EPHA3: variants seen among roughly 807,000 people sequenced by gnomAD.
EPHA3 encodes EPH receptor A3.
EPHA3 carries 42 observed loss-of-function variants against 107.1 expected under a neutral mutation model. The ratio of observed to expected loss-of-function variants is 0.39; its 90% CI spans 0.31 to 0.51. The LOEUF (loss-of-function observed/expected upper bound fraction) is 0.51, where lower values mean the gene tolerates loss of function less well. Among genes scored for constraint, EPHA3 ranks in the 20% least tolerant of loss-of-function variants. The pLI, the probability that EPHA3 is intolerant of heterozygous loss-of-function variation, is 0.78. For missense variants in EPHA3, 1,183 were observed against 1,211.2 expected (o/e 0.98, Z 0.35); for synonymous variants, 461 against 424.8 (o/e 1.09, Z -1.05).
intron 2 of EPHA3, among the ~76,000 whole-genome samples, chr3:89,162,570 T>A (rs1704975676): frequency 6.6e-6 from 1 of 152,154 alleles, no homozygotes. Flanking sequence ...TCCCCTGAAA[T>A]CAGACTGTAG....
intron 3 of EPHA3, among the ~76,000 whole-genome samples, chr3:89,218,906 G>A (rs1704283139): frequency 6.6e-6 from 1 of 152,180 alleles, no homozygotes; most frequent in Non-Finnish European, 1.5e-5. Flanking sequence ...TTCAACCATT[G>A]TGGAAGTCGG....
At position 89,175,778 on chromosome 3, in the gene EPHA3, G is replaced by A. The variant is rs539678703; in HGVS notation, c.154-34082G>A. ...CTTTTGGTTTCTGAACCATGCCTGC[G>A]ATTCTATTCTGGTTCTCTTATATTC... On this transcript the variant is annotated intron_variant, in intron 2 of 16. Transcript: ENST00000336596. Among the ~76,000 whole-genome samples, 12 of 152,010 alleles carry A rather than the reference G, an allele frequency of 7.9e-5. No individual in the cohort carries two copies. In the East Asian group the frequency reaches 1.5e-3, roughly 20 times the overall value.
chr3:89,286,158 GTGTT>G (rs948845007), intron 3 of EPHA3, among the ~76,000 whole-genome samples: 2 of 149,410 alleles, frequency 1.3e-5, no homozygotes, highest in African/African-American at 5.0e-5. Context: ...GTGTGTGTGT[GTGTT>G]TCCATAAACA....
chr3:89,437,821 A>G (rs981952082), intron 13 of EPHA3, among the ~76,000 whole-genome samples: 2 of 152,084 alleles, frequency 1.3e-5, no homozygotes, highest in African/African-American at 4.8e-5. Flanking sequence ...AATTCTTCCT[A>G]TGTCCTTAAG....
At position 89,341,821 on chromosome 3, in the gene EPHA3, G is replaced by A. The variant is rs749859409; in HGVS notation, c.1037G>A (p.Ser346Asn). 1 of 1,613,960 alleles carries A rather than the reference G, an allele frequency of 6.2e-7. No homozygotes were observed. Among genetic ancestry groups the A allele is most frequent in the Non-Finnish European group, 8.5e-7 (1 of 1,180,020 alleles). ...GAGACCTCAGTTATCCTGGACTGGA[G>A]TTGGCCCCTGGACACAGGAGGCCGG... Reference protein sequence around the residue: ...INETSVILDWSWPLDTGGRKD... With the variant: ...INETSVILDWNWPLDTGGRKD... The change falls in exon 5 of 17, where the codon AGT (serine) becomes AAT (asparagine). Residue 346 changes from serine to asparagine, a missense_variant. Coordinates refer to ENST00000336596, the MANE Select transcript of EPHA3 (RefSeq NM_005233.6).
chr3:89,146,703 A>C (rs1034428875), intron 2 of EPHA3, among the ~76,000 whole-genome samples: 1 of 151,898 alleles, frequency 6.6e-6, no homozygotes, highest in African/African-American at 2.4e-5. Flanking sequence ...TGTTTTAGTC[A>C]TGAAGTCTTT....
At chr3:89,256,168 T>C (rs1354056295) in intron 3 of EPHA3, among the ~76,000 whole-genome samples, 4 of 151,724 alleles carry the variant, frequency 2.6e-5, no homozygotes, top group African/African-American at 9.7e-5. Flanking sequence ...GGAGAATCAC[T>C]TGAACCCAGG....
chr3:89,207,132 T>G (rs1218376803), intron 2 of EPHA3, among the ~76,000 whole-genome samples: 1 of 152,210 alleles, frequency 6.6e-6, no homozygotes, highest in Non-Finnish European at 1.5e-5. Context: ...GTTCACAAAT[T>G]GTTTTTTATA....
intron 2 of EPHA3, among the ~76,000 whole-genome samples, chr3:89,148,571 G>A (rs1452885360): frequency 6.6e-6 from 1 of 151,876 alleles, no homozygotes; most frequent in African/African-American, 2.4e-5. Context: ...CTTAAAGATT[G>A]AAAAGTTATC....
chr3:89,126,691 A>C (rs765734884), intron 1 of EPHA3, among the ~76,000 whole-genome samples: 9 of 151,824 alleles, frequency 5.9e-5, no homozygotes, highest in Non-Finnish European at 1.2e-4. Context: ...TAATGAATAC[A>C]TTTTTAAAAA....
intron 13 of EPHA3, 90 bp downstream of exon 13, chr3:89,431,449 C>A (rs898208420): frequency 1.9e-6 from 2 of 1,078,816 alleles, no homozygotes; most frequent in South Asian, 1.6e-5. Flanking sequence ...TGACCCAAAA[C>A]GTGTTGTCAA....
intron 3 of EPHA3, among the ~76,000 whole-genome samples, chr3:89,329,392 T>C (rs1238098184): frequency 6.6e-6 from 1 of 152,164 alleles, no homozygotes; most frequent in African/African-American, 2.4e-5. Flanking sequence ...GAGATTCTTC[T>C]ATTGTTCTTC....
intron 2 of EPHA3, among the ~76,000 whole-genome samples, chr3:89,162,672 G>T (rs1371301478): frequency 6.6e-6 from 1 of 152,188 alleles, no homozygotes; most frequent in Admixed American, 6.5e-5. Context: ...ATGGACAGAA[G>T]GTGAAGTGAA....
intron 2 of EPHA3, among the ~76,000 whole-genome samples, chr3:89,207,782 C>T (rs539585980): frequency 1.3e-5 from 2 of 151,792 alleles, no homozygotes; most frequent in East Asian, 1.9e-4. Flanking sequence ...CTAAGAAAAA[C>T]GTTTTGTTGT....
At chr3:89,265,531 G>A (rs1238744637) in intron 3 of EPHA3, among the ~76,000 whole-genome samples, 1 of 152,104 alleles carries the variant, frequency 6.6e-6, no homozygotes, top group African/African-American at 2.4e-5. Flanking sequence ...TGCAAAATGT[G>A]ATATGGCTTT....
intron 15 of EPHA3, among the ~76,000 whole-genome samples, chr3:89,456,584 C>A (rs73139296): frequency 6.6e-6 from 1 of 151,930 alleles, no homozygotes; most frequent in African/African-American, 2.4e-5. Flanking sequence ...TATAGCAGTA[C>A]CATTCTCAAA....
At chr3:89,113,648 TA>T (rs1434384758) in intron 1 of EPHA3, among the ~76,000 whole-genome samples, 17 of 151,970 alleles carry the variant, frequency 1.1e-4, no homozygotes, top group African/African-American at 4.1e-4. Context: ...ATCATTTGCT[TA>T]AAAGAAAGGC....
intron 10 of EPHA3, among the ~76,000 whole-genome samples, chr3:89,415,623 T>G (rs553264318): frequency 7.0e-4 from 105 of 150,942 alleles, no homozygotes; most frequent in South Asian, 4.1e-4. Context: ...GACATATGAA[T>G]TAGCTTCCCA....
intron 3 of EPHA3, among the ~76,000 whole-genome samples, chr3:89,218,406 G>T (rs1289070675): frequency 6.6e-6 from 1 of 150,706 alleles, no homozygotes; most frequent in Non-Finnish European, 1.5e-5. Flanking sequence ...TTGTCCTTGC[G>T]ATAGTTTGCT....
Sources: gnomAD v4.1 joint callset for allele counts (sites outside exome capture counted in the v4.1 genomes callset) on GRCh38, gnomAD v4.1.1 for gene constraint, MANE v1.5 for transcripts, NCBI Gene and HGNC (gene_info 2026-07-23, HGNC 2026-07-21) for gene names.